FANCD2: variants seen among roughly 807,000 people sequenced by gnomAD.
FANCD2 encodes FA complementation group D2.
FANCD2 carries 131 observed loss-of-function variants against 192.3 expected under a neutral mutation model. The ratio of observed to expected loss-of-function variants is 0.68; its 90% confidence interval spans 0.59 to 0.79. The LOEUF (loss-of-function observed/expected upper bound fraction) is 0.79, where lower values mean the gene tolerates loss of function less well. Among genes scored for constraint, FANCD2 ranks in the 30% least tolerant of loss-of-function variants. The pLI is 0.00. For synonymous variants in FANCD2, 524 were observed against 612.5 expected, an observed-to-expected ratio of 0.86 and a Z score of 2.13; for missense variants, 1,508 against 1,701.6, an observed-to-expected ratio of 0.89 and a Z score of 2.00.
intron 33 of FANCD2, among the ~76,000 whole-genome samples, chr3:10,086,593 TG>T (rs1165809635): frequency 6.6e-6 from 1 of 152,162 alleles, no homozygotes; most frequent in East Asian, 1.9e-4. Flanking sequence ...GTGATTGTAC[TG>T]CCTCAGCCTC....
chr3:10,043,421 C>T (rs1053190408), intron 12 of FANCD2, 63 bp from the exon 13 acceptor site: 11 of 1,356,584 alleles, frequency 8.1e-6, no homozygotes, highest in African/African-American at 1.4e-5. Context: ...GCAGGAACTC[C>T]GATCTTGTAA....
Position 10,064,420 on chromosome 3 carries a change from T to C in FANCD2, c.2012T>C (p.Val671Ala). 1.9e-6 allele frequency: 3 copies of C among 1,613,750 alleles called. No individual in the cohort carries two copies. Among genetic ancestry groups the C allele is most frequent in the Non-Finnish European group, 2.5e-6 (3 of 1,179,644 alleles). ...QDAFVVDSCV[V>A]PEGDFPFPVK... ...GCCTTCGTAGTGGACTCCTGTGTTG[T>C]TCCGGAAGGGTAGGTATTGTTTACC... The change falls in exon 22 of 44, where the codon GTT becomes GCT. Residue 671 changes from valine to alanine, a missense_variant. By Grantham distance (64) the Val-to-Ala change is moderately conservative. Around this residue, in one of 5 missense-constraint regions of FANCD2, gnomAD observed 59 missense variants for 111.9 expected, o/e 0.53. Coordinates refer to ENST00000675286, the MANE Select transcript of FANCD2 (RefSeq NM_001018115.3).
intron 37 of FANCD2, 56 bp downstream of exon 37, chr3:10,090,441 T>A: frequency 1.3e-6 from 1 of 788,006 alleles, no homozygotes; most frequent in Non-Finnish European, 2.0e-6. Flanking sequence ...TGGAAGTTGC[T>A]GATTTTTTTT....
chr3:10,081,289 A>G, intron 31 of FANCD2, 57 bp from the exon 32 acceptor site: 1 of 1,613,602 alleles, frequency 6.2e-7, no homozygotes, highest in Non-Finnish European at 8.5e-7. Flanking sequence ...TGGCTGAGAA[A>G]AAGGAAAATG....
intron 6 of FANCD2, 67 bp from the exon 7 acceptor site, chr3:10,036,220 C>T (rs2086728090): frequency 7.3e-7 from 1 of 1,365,082 alleles, no homozygotes; most frequent in South Asian, 1.2e-5. Flanking sequence ...TCCCAAGTAG[C>T]TGGGATTATA....
At chr3:10,080,941 T>C (rs537976850) in intron 30 of FANCD2, among the ~76,000 whole-genome samples, 159 bp from the exon 31 acceptor site, 3 of 152,356 alleles carry the variant, frequency 2.0e-5, no homozygotes, top group African/African-American at 7.2e-5. Flanking sequence ...TGGAGCAAGA[T>C]TTTTATCCCT....
intron 2 of FANCD2, among the ~76,000 whole-genome samples, chr3:10,031,992 C>G (rs959941841): frequency 2.0e-5 from 3 of 152,084 alleles, no homozygotes; most frequent in Non-Finnish European, 4.4e-5. Flanking sequence ...ATTACAGGCG[C>G]ACGCCACCAC....
At chr3:10,036,435 CAT>C in intron 7 of FANCD2, 96 bp downstream of exon 7, 2 of 912,884 alleles carry the variant, frequency 2.2e-6, no homozygotes, top group Non-Finnish European at 3.5e-6. Flanking sequence ...CTCTGAAAGT[CAT>C]ATTTATCATT....
intron 36 of FANCD2, among the ~76,000 whole-genome samples, chr3:10,089,272 C>G (rs943446032): frequency 6.6e-6 from 1 of 150,534 alleles, no homozygotes; most frequent in Admixed American, 6.6e-5. Context: ...GCAGCAAGAG[C>G]GAAACTCCAT....
At chr3:10,060,471 C>T in intron 19 of FANCD2, 68 bp downstream of exon 19, 1 of 1,145,080 alleles carries the variant, frequency 8.7e-7, no homozygotes, top group African/African-American at 1.5e-5. Context: ...TGTTACATCT[C>T]ATAGACATCA....
At chr3:10,076,083 T>C (rs1365320585) in intron 29 of FANCD2, among the ~76,000 whole-genome samples, 1 of 151,652 alleles carries the variant, frequency 6.6e-6, no homozygotes, top group Non-Finnish European at 1.5e-5. Context: ...CCTTAGGAGA[T>C]GCCACATAAA....
At chr3:10,051,736 T>A (rs1421066013) in intron 17 of FANCD2, among the ~76,000 whole-genome samples, 2 of 152,194 alleles carry the variant, frequency 1.3e-5, no homozygotes, top group Non-Finnish European at 2.9e-5. Context: ...TGGAGATTTT[T>A]AAAAATTAAT....
At chr3:10,091,513 T>C (rs1293897212) in intron 37 of FANCD2, among the ~76,000 whole-genome samples, 1 of 151,878 alleles carries the variant, frequency 6.6e-6, no homozygotes, top group Non-Finnish European at 1.5e-5. Context: ...GGCTGTAGCT[T>C]CTCTGCTTCC....
At chr3:10,071,819 GCA>G (rs2125046422) in intron 26 of FANCD2, among the ~76,000 whole-genome samples, 1 of 152,288 alleles carries the variant, frequency 6.6e-6, no homozygotes, top group African/African-American at 2.4e-5. Flanking sequence ...GAGTGCAGTG[GCA>G]CAGTCTCGGC....
intron 40 of FANCD2, 68 bp from the exon 41 acceptor site, chr3:10,095,132 A>G (rs887494821): frequency 1.3e-4 from 168 of 1,324,856 alleles, no homozygotes; most frequent in Non-Finnish European, 1.6e-4. Flanking sequence ...TTTTGATTGC[A>G]AGGGTATCTT....
intron 7 of FANCD2, among the ~76,000 whole-genome samples, chr3:10,036,985 G>A (rs946377484): frequency 4.0e-5 from 6 of 150,374 alleles, no homozygotes; most frequent in Non-Finnish European, 3.0e-5. Context: ...ACAGGTGTGC[G>A]CCACCCGGTC....
intron 29 of FANCD2, among the ~76,000 whole-genome samples, chr3:10,075,464 G>T (rs866703159): frequency 2.6e-5 from 4 of 152,134 alleles, no homozygotes; most frequent in Non-Finnish European, 5.9e-5. Flanking sequence ...GATTACAGGC[G>T]CAAGCCCCCG....
rs36103262 is a variant in FANCD2 at position 10,060,733 on chromosome 3, A to C, written c.1766+330A>C. Among the ~76,000 whole-genome samples, 477 of 152,330 alleles carry C rather than the reference A, an allele frequency of 3.1e-3. 6 individuals carry two copies. The highest frequency in any genetic ancestry group is 0.011 in the African/African-American group (458 of 41,568). ...CTGCTCCTGATATAGGCACTAGACA[A>C]TGCAGGTGTCTACATTGCTGTGTCA... On this transcript the variant is annotated intron_variant, in intron 19 of 43. Transcript: ENST00000675286.
intron 17 of FANCD2, among the ~76,000 whole-genome samples, chr3:10,050,233 T>C (rs1463939736): frequency 6.6e-6 from 1 of 151,470 alleles, no homozygotes; most frequent in African/African-American, 2.4e-5. Context: ...TCTAAGGGAG[T>C]GAGAGTAAGG....
Sources: gnomAD v4.1 joint callset for allele counts (sites outside exome capture counted in the v4.1 genomes callset) on GRCh38, gnomAD v4.1.1 for gene constraint, gnomAD v4.1.1 regional missense constraint, MANE v1.5 for transcripts, NCBI Gene and HGNC (gene_info 2026-07-23, HGNC 2026-07-21) for gene names.